The following PHF21A variants were observed in gnomAD, a reference collection of about 807,000 sequenced individuals.
The protein encoded by PHF21A is BHC80a.
PHF21A carries 11 observed loss-of-function variants against 82.5 expected under a neutral mutation model. The observed-to-expected ratio is 0.13, with a 90% CI of 0.08 to 0.22. PHF21A has a LOEUF of 0.22. Ranked by LOEUF, PHF21A falls within the 10% of genes least tolerant of loss-of-function variation. The pLI is 1.00. For missense variants in PHF21A, 579 were observed against 837.8 expected, an observed-to-expected ratio of 0.69 and a Z score of 3.81; for synonymous variants, 297 against 302.8, an observed-to-expected ratio of 0.98 and a Z score of 0.20.
chr11:46,107,581 G>A (rs2097166200), intron 1 of PHF21A, among the ~76,000 whole-genome samples: 1 of 152,172 alleles, frequency 6.6e-6, no homozygotes, highest in African/African-American at 2.4e-5. Context: ...TGGATCTAAA[G>A]AAGCATAAAG....
intron 10 of PHF21A, among the ~76,000 whole-genome samples, chr11:45,960,202 A>T (rs1428516355): frequency 6.6e-6 from 1 of 152,256 alleles, no homozygotes; most frequent in African/African-American, 2.4e-5. Flanking sequence ...AACTGAAAAC[A>T]AGTAGTCATA....
intron 15 of PHF21A, among the ~76,000 whole-genome samples, chr11:45,940,847 C>T (rs1036772427): frequency 3.3e-5 from 5 of 152,144 alleles, no homozygotes; most frequent in South Asian, 2.1e-4. Flanking sequence ...CTTATTCAGA[C>T]GGACTTGGGA....
intron 1 of PHF21A, among the ~76,000 whole-genome samples, chr11:46,112,158 G>C (rs2097221685): frequency 6.6e-6 from 1 of 152,046 alleles, no homozygotes; most frequent in South Asian, 2.1e-4. Context: ...GTCCTTTTGG[G>C]GGCATACATC....
intron 1 of PHF21A, among the ~76,000 whole-genome samples, chr11:46,113,304 T>C (rs1416745573): frequency 1.3e-5 from 2 of 152,162 alleles, no homozygotes; most frequent in Non-Finnish European, 2.9e-5. Context: ...CAAATTTAAA[T>C]CAAATTTGTA....
At chr11:46,106,313 G>A (rs1246459871) in intron 1 of PHF21A, among the ~76,000 whole-genome samples, 2 of 152,182 alleles carry the variant, frequency 1.3e-5, no homozygotes, top group African/African-American at 4.8e-5. Flanking sequence ...GAGCACAAAA[G>A]GGTGGGGGGG....
intron 6 of PHF21A, among the ~76,000 whole-genome samples, chr11:46,013,670 C>T (rs1475017596): frequency 6.6e-6 from 1 of 152,132 alleles, no homozygotes; most frequent in Non-Finnish European, 1.5e-5. Context: ...CTTAAACAAA[C>T]TTAGATGGTA....
At chr11:46,045,197 T>C (rs1413315800) in intron 6 of PHF21A, among the ~76,000 whole-genome samples, 2 of 152,206 alleles carry the variant, frequency 1.3e-5, no homozygotes, top group East Asian at 3.8e-4. Flanking sequence ...CTGTTCTTGC[T>C]TTCTCTCTTC....
chr11:45,947,038 C>A (rs1014637956), intron 14 of PHF21A, among the ~76,000 whole-genome samples: 2 of 152,186 alleles, frequency 1.3e-5, no homozygotes, highest in African/African-American at 4.8e-5. Context: ...TGACAAACAT[C>A]CTGATAAACT....
At chr11:45,978,274 C>T (rs1489136485) in intron 7 of PHF21A, among the ~76,000 whole-genome samples, 1 of 152,030 alleles carries the variant, frequency 6.6e-6, no homozygotes, top group Non-Finnish European at 1.5e-5. Context: ...GCACTCCAGC[C>T]TGGGTGACAC....
At chr11:46,057,315 C>A (rs750025387) in intron 6 of PHF21A, among the ~76,000 whole-genome samples, 3 of 152,156 alleles carry the variant, frequency 2.0e-5, no homozygotes, top group Non-Finnish European at 4.4e-5. Context: ...CATCAGCCTT[C>A]CTCAGCCAGG....
intron 15 of PHF21A, 82 bp downstream of exon 15, chr11:45,945,758 G>T: frequency 1.7e-6 from 2 of 1,190,702 alleles, no homozygotes; most frequent in Non-Finnish European, 2.4e-6. Flanking sequence ...GAAGGTGCAA[G>T]TCGATAAGGA....
At chr11:46,019,409 A>C (rs928947284) in intron 6 of PHF21A, among the ~76,000 whole-genome samples, 9 of 152,198 alleles carry the variant, frequency 5.9e-5, no homozygotes, top group African/African-American at 2.2e-4. Context: ...CCAAAAAATA[A>C]GATGGGCTTT....
chr11:45,962,003 C>T (rs531445088), intron 10 of PHF21A, among the ~76,000 whole-genome samples: 21 of 152,318 alleles, frequency 1.4e-4, no homozygotes, highest in Admixed American at 9.1e-4. Context: ...GGGAAGGACA[C>T]GTGAGACCAC....
intron 1 of PHF21A, among the ~76,000 whole-genome samples, chr11:46,112,201 TAC>T (rs2097222219): frequency 6.6e-6 from 1 of 152,164 alleles, no homozygotes; most frequent in African/African-American, 2.4e-5. Flanking sequence ...AAGGACATTT[TAC>T]ACACAGCAAA....
chr11:46,037,031 C>G (rs1256224789), intron 6 of PHF21A, among the ~76,000 whole-genome samples: 2 of 151,968 alleles, frequency 1.3e-5, no homozygotes, highest in African/African-American at 4.8e-5. Context: ...ATTTTCTTGC[C>G]CTATGTTATT....
At chr11:46,088,706 G>A (rs934643443) in intron 3 of PHF21A, among the ~76,000 whole-genome samples, 2 of 152,170 alleles carry the variant, frequency 1.3e-5, no homozygotes, top group African/African-American at 4.8e-5. Context: ...TTTGCAAACT[G>A]TAAAGTTTTA....
intron 6 of PHF21A, among the ~76,000 whole-genome samples, chr11:45,985,307 G>A (rs1011143535): frequency 3.9e-5 from 6 of 152,174 alleles, no homozygotes; most frequent in African/African-American, 1.2e-4. Context: ...TAAAGAAGAG[G>A]GGATGTGTTA....
intron 12 of PHF21A, among the ~76,000 whole-genome samples, chr11:45,949,971 G>A (rs754208279): frequency 6.6e-6 from 1 of 152,166 alleles, no homozygotes; most frequent in Non-Finnish European, 1.5e-5. Context: ...ATGAACAGAA[G>A]TCACCTGAAT....
chr11:46,092,814 G>A (rs990682944), intron 1 of PHF21A, among the ~76,000 whole-genome samples: 1 of 143,482 alleles, frequency 7.0e-6, no homozygotes, highest in Non-Finnish European at 1.5e-5. Context: ...CTCAAGTGCA[G>A]TGGCACAATC....
Sources: allele counts gnomAD v4.1 joint callset (sites outside exome capture counted in the v4.1 genomes callset), GRCh38; gene constraint gnomAD v4.1.1; transcripts MANE v1.5; gene names NCBI Gene and HGNC (gene_info 2026-07-23, HGNC 2026-07-21).